The following SLC5A8 variants were observed in gnomAD, a reference collection of about 807,000 sequenced individuals.
SLC5A8 encodes sodium-coupled monocarboxylate transporter 1.
A neutral mutation model predicts 71.9 loss-of-function variants in SLC5A8; 55 were observed. That is an observed-to-expected ratio of 0.77 (90% CI 0.62 to 0.96). The LOEUF (loss-of-function observed/expected upper bound fraction) is 0.96, where lower values mean the gene tolerates loss of function less well. Ranked by LOEUF, SLC5A8 falls within the 40% of genes least tolerant of loss-of-function variation. The probability of loss-of-function intolerance (pLI) is 0.00; values close to 1 mark genes in which losing one functional copy is unlikely to be tolerated. For synonymous variants in SLC5A8, 307 were observed against 276.1 expected, an observed-to-expected ratio of 1.11 and a Z score of -1.11; for missense variants, 701 against 745.3, an observed-to-expected ratio of 0.94 and a Z score of 0.69.
intron 4 of SLC5A8, 106 bp from the exon 5 acceptor site, chr12:101,193,885 G>T: frequency 1.8e-6 from 2 of 1,125,790 alleles, no homozygotes; most frequent in Non-Finnish European, 2.5e-6. Context: ...ATGAATGTTG[G>T]CTAAGAAGTG....
At chr12:101,166,427 C>T in intron 12 of SLC5A8, 67 bp downstream of exon 12, 1 of 1,360,518 alleles carries the variant, frequency 7.4e-7, no homozygotes, top group South Asian at 1.4e-5. Flanking sequence ...AGACAAAAAG[C>T]AAGTGGGGTT....
rs528763943 is a variant in SLC5A8, at chr12:101,184,133, C to T, written c.1052+1G>A. On this transcript the variant is annotated splice_donor_variant, in intron 8 of 14. Coordinates refer to ENST00000536262, the MANE Select transcript of SLC5A8 (RefSeq NM_145913.5). LOFTEE classifies it high-confidence loss of function. ...TATGTTATTAGAGTCATAGTTCATA[C>T]CTTAATGTCCCACTGTAAGCACAGG... is the stretch of plus-strand genomic sequence containing the variant. 9 of 1,613,104 alleles carry T rather than the reference C, an allele frequency of 5.6e-6. No individual in the cohort carries two copies. The South Asian group carries it at 7.7e-5, about 14-fold the overall frequency.
intron 10 of SLC5A8, among the ~76,000 whole-genome samples, chr12:101,174,061 A>T (rs997846732): frequency 7.2e-5 from 11 of 152,224 alleles, no homozygotes; most frequent in Non-Finnish European, 1.3e-4. Context: ...CAGGCCACAA[A>T]GTAAAATAAA....
chr12:101,199,097 T>A (rs1401890805), intron 3 of SLC5A8, among the ~76,000 whole-genome samples: 1 of 151,994 alleles, frequency 6.6e-6, no homozygotes, highest in Non-Finnish European at 1.5e-5. Context: ...TCAGTTGTAT[T>A]TTTATACACT....
At position 101,210,151 on chromosome 12, in the gene SLC5A8, C is replaced by A; in HGVS notation, c.-303G>T. The stretch of plus-strand genomic sequence containing the variant: ...ACTGGAGTGGCCGAGTTCGCCAAGG[C>A]GCCGGGGACACCTGAGCAGATGAGA... On this transcript the variant is annotated 5_prime_UTR_variant, in exon 1 of 15. Coordinates refer to ENST00000536262, the MANE Select transcript of SLC5A8 (RefSeq NM_145913.5). 2.6e-6 allele frequency: 1 copy of A among 380,806 alleles called. No individual in the cohort carries two copies. The highest frequency in any genetic ancestry group is 4.6e-6 in the Non-Finnish European group (1 of 215,606). 23.6% of individuals were successfully genotyped at this position (380,806 alleles called of 1,614,324 possible).
In SLC5A8 at chr12:101,195,333, G is replaced by A. The variant is rs568642588; in HGVS notation, c.470-171C>T. Among the ~76,000 whole-genome samples, 15 of 152,144 alleles carry A rather than the reference G, an allele frequency of 9.9e-5. No homozygotes were observed. In the South Asian group the frequency reaches 2.9e-3, roughly 29 times the overall value. ...CTCATAAATGTCTCAAAAACAAATG[G>A]AGTTTAAAATTGTATTTGATAATTT... On this transcript the variant is annotated intron_variant, in intron 3 of 14. Coordinates refer to ENST00000536262, the MANE Select transcript of SLC5A8 (RefSeq NM_145913.5).
At chr12:101,183,094 G>A (rs541172866) in intron 8 of SLC5A8, among the ~76,000 whole-genome samples, 179 bp from the exon 9 acceptor site, 1 of 129,946 alleles carries the variant, frequency 7.7e-6, no homozygotes, top group African/African-American at 2.9e-5. Flanking sequence ...CGCCCAGGCT[G>A]GAGTGCAATG....
At position 101,182,895 on chromosome 12, in the gene SLC5A8, T is replaced by C. The variant is rs755313068; in HGVS notation, c.1073A>G (p.Asn358Ser). 5.7e-6 allele frequency: 9 copies of C among 1,588,130 alleles called. No individual in the cohort carries two copies. Among genetic ancestry groups the C allele is most frequent in the Non-Finnish European group, 7.7e-6 (9 of 1,170,788 alleles). The part of the protein sequence containing the change: ...GTLSTVSSSI[N>S]ALAAVTVEDL... Reference sequence around the variant, plus strand: ...TTCCACAGTTACTGCTGCTAAGGCATTAATACTGGAGGACACTGTGCTGTA... The same window carrying C: ...TTCCACAGTTACTGCTGCTAAGGCACTAATACTGGAGGACACTGTGCTGTA... The change falls in exon 9 of 15, where the codon AAT becomes AGT. Residue 358 changes from asparagine to serine, a missense_variant. Coordinates refer to ENST00000536262, the MANE Select transcript of SLC5A8 (RefSeq NM_145913.5).
chr12:101,187,578 C>A (rs921634513), intron 6 of SLC5A8, 63 bp from the exon 7 acceptor site: 37 of 1,526,580 alleles, frequency 2.4e-5, no homozygotes, highest in Non-Finnish European at 3.0e-5. Flanking sequence ...GATTAGGAAA[C>A]CTGTTACATG....
Position 101,182,913 on chromosome 12 carries a change from G to A in SLC5A8, c.1055C>T (p.Thr352Ile). The A allele has an allele frequency of 2.0e-6, 3 of 1,516,816 alleles. No individual in the cohort carries two copies. Among genetic ancestry groups the A allele is most frequent in the Non-Finnish European group, 2.6e-6 (3 of 1,135,766 alleles). The allele number at this position is 1,516,816 out of a possible 1,614,324, so 94.0% of individuals were successfully genotyped here. A position where few individuals can be genotyped will look rare whatever the true frequency, so the allele number is the denominator to read the frequency against. ...TAAGGCATTAATACTGGAGGACACT[G>A]TGCTGTAAGGGAAAATAAAACTTTT... ...VACAYSGTLS[T>I]VSSSINALAA... The change falls in exon 9 of 15, where the codon ACA (threonine) becomes ATA (isoleucine). Residue 352 changes from threonine to isoleucine, a missense_variant and splice_region_variant. Physicochemically the swap from Thr to Ile is moderately conservative, Grantham distance 89. Coordinates refer to ENST00000536262, the MANE Select transcript of SLC5A8 (RefSeq NM_145913.5).
At chr12:101,175,894 G>A (rs1473849302) in intron 10 of SLC5A8, among the ~76,000 whole-genome samples, 1 of 151,974 alleles carries the variant, frequency 6.6e-6, no homozygotes, top group East Asian at 1.9e-4. Flanking sequence ...AAAGGAAATG[G>A]TAGAAAGAAG....
At chr12:101,168,731 G>A (rs1023403766) in intron 10 of SLC5A8, among the ~76,000 whole-genome samples, 1 of 152,176 alleles carries the variant, frequency 6.6e-6, no homozygotes, top group Non-Finnish European at 1.5e-5. Context: ...TGCAACCTTT[G>A]CTTTGATGTA....
At chr12:101,207,510 A>T (rs1050025665) in intron 1 of SLC5A8, among the ~76,000 whole-genome samples, 1 of 152,174 alleles carries the variant, frequency 6.6e-6, no homozygotes, top group Non-Finnish European at 1.5e-5. Flanking sequence ...ACCCCTGCTA[A>T]CTTAGCCTCT....
At chr12:101,158,919 G>T (rs2051700897) in intron 13 of SLC5A8, among the ~76,000 whole-genome samples, 1 of 141,046 alleles carries the variant, frequency 7.1e-6, no homozygotes, top group African/African-American at 2.7e-5. Flanking sequence ...ACTGACGTTT[G>T]ATCCAAATCC....
chr12:101,180,629 G>T (rs1471939372), intron 9 of SLC5A8, among the ~76,000 whole-genome samples: 1 of 152,116 alleles, frequency 6.6e-6, no homozygotes, highest in African/African-American at 2.4e-5. Context: ...GTATCCTCAA[G>T]CCCTTCCTAT....
chr12:101,189,979 G>A (rs78958770), intron 6 of SLC5A8, among the ~76,000 whole-genome samples: 1 of 152,178 alleles, frequency 6.6e-6, no homozygotes, highest in Non-Finnish European at 1.5e-5. Flanking sequence ...TGCAGAATGT[G>A]CCCAGGATCA....
At chr12:101,190,341 A>G in intron 6 of SLC5A8, 127 bp downstream of exon 6, 2 of 1,036,614 alleles carry the variant, frequency 1.9e-6, no homozygotes, top group Middle Eastern at 2.2e-4. Flanking sequence ...GTAACCAAAT[A>G]TATCATTTAT....
chr12:101,185,354 G>A (rs899210690), intron 7 of SLC5A8, among the ~76,000 whole-genome samples: 16 of 152,128 alleles, frequency 1.1e-4, no homozygotes, highest in Non-Finnish European at 1.5e-5. Flanking sequence ...GTTATAAAAA[G>A]GTCCAAAATC....
intron 8 of SLC5A8, among the ~76,000 whole-genome samples, chr12:101,183,783 G>C (rs1434762968): frequency 6.6e-6 from 1 of 152,076 alleles, no homozygotes; most frequent in African/African-American, 2.4e-5. Context: ...TTTTCCAGTT[G>C]ACCACGCTTC....
Sources: gnomAD v4.1 joint callset for allele counts (sites outside exome capture counted in the v4.1 genomes callset) on GRCh38, gnomAD v4.1.1 for gene constraint, MANE v1.5 for transcripts, NCBI Gene and HGNC (gene_info 2026-07-23, HGNC 2026-07-21) for gene names.